The following PYM1 variants were observed in gnomAD, a reference collection of about 807,000 sequenced individuals.
The protein encoded by PYM1 is partner of Y14 and mago.
Under a neutral mutation model 20.7 loss-of-function variants are expected in PYM1, and 7 were observed. The observed-to-expected ratio is 0.34, with a 90% confidence interval of 0.19 to 0.64. The LOEUF is 0.64. Ranked by LOEUF, PYM1 falls within the 30% of genes least tolerant of loss-of-function variation. The probability of loss-of-function intolerance (pLI) is 0.74; values close to 1 mark genes in which losing one functional copy is unlikely to be tolerated. For synonymous variants in PYM1, 100 were observed against 99.2 expected, an observed-to-expected ratio of 1.01 and a Z score of -0.05; for missense variants, 194 against 250.0, an observed-to-expected ratio of 0.78 and a Z score of 1.51.
In PYM1 at chr12:55,923,000, C is replaced by T. The variant is rs1034962651; in HGVS notation, c.37+4725G>A. Among the ~76,000 whole-genome samples the T allele has an allele frequency of 1.3e-4, 20 of 151,806 alleles. 1 individual carries two copies. The East Asian group carries it at 3.5e-3, about 27-fold the overall frequency. ...CAGCACTTTGGGAGGCCGAGGTGGG[C>T]AGATCACCCGAGGTCAGGAGTTTGA... On this transcript the variant is annotated intron_variant, in intron 1 of 2. Coordinates refer to ENST00000408946, the MANE Select transcript of PYM1 (RefSeq NM_032345.3).
At chr12:55,904,615 A>AAAAAG (rs1565713968) in intron 1 of PYM1, among the ~76,000 whole-genome samples, 3 of 149,302 alleles carry the variant, frequency 2.0e-5, no homozygotes, top group Non-Finnish European at 1.5e-5. Flanking sequence ...AAAAAAAAAA[A>AAAAAG]AAAAGAAAAA....
chr12:55,915,101 G>A (rs988090929), intron 1 of PYM1, among the ~76,000 whole-genome samples: 1 of 151,814 alleles, frequency 6.6e-6, no homozygotes, highest in Admixed American at 6.6e-5. Context: ...TGCAGTCCCA[G>A]CTACTCAGGA....
At chr12:55,925,953 T>C (rs1592643591) in intron 1 of PYM1, among the ~76,000 whole-genome samples, 1 of 152,018 alleles carries the variant, frequency 6.6e-6, no homozygotes, top group East Asian at 1.9e-4. Context: ...AATTGTGAGG[T>C]TGGGGAGAAG....
rs571663755 is a variant in PYM1, at chr12:55,907,814, C to T, written c.38-4334G>A. 9.9e-5 allele frequency among the ~76,000 whole-genome samples: 15 copies of T among 151,248 alleles called. No individual in the cohort carries two copies. The South Asian group carries it at 3.1e-3, about 32-fold the overall frequency. ...ATTAGCTGGGTGTGGTGGCAAGTGC[C>T]TGTAGTCTCAGCTACTCAGGAGGCT... On this transcript the variant is annotated intron_variant, in intron 1 of 2. Coordinates refer to ENST00000408946, the MANE Select transcript of PYM1 (RefSeq NM_032345.3).
intron 2 of PYM1, among the ~76,000 whole-genome samples, chr12:55,902,806 G>A (rs916111199): frequency 2.0e-5 from 3 of 149,780 alleles, no homozygotes; most frequent in Non-Finnish European, 4.4e-5. Flanking sequence ...TCGCTCTGTC[G>A]CCAGGGCTGA....
At chr12:55,911,571 T>C (rs999180213) in intron 1 of PYM1, among the ~76,000 whole-genome samples, 1 of 152,088 alleles carries the variant, frequency 6.6e-6, no homozygotes, top group Non-Finnish European at 1.5e-5. Flanking sequence ...CCAGCCATGG[T>C]GGCTCACGCC....
intron 1 of PYM1, among the ~76,000 whole-genome samples, chr12:55,905,963 A>AGATATATATATAATTATATATATCTAT: frequency 3.7e-5 from 2 of 54,476 alleles, no homozygotes; most frequent in Non-Finnish European, 7.4e-5. Context: ...TATATATCTA[A>AGATATATATATAATTATATATATCTAT]TAGATATATA....
At chr12:55,904,612 A>AG (rs562590808) in intron 1 of PYM1, among the ~76,000 whole-genome samples, 20 of 143,870 alleles carry the variant, frequency 1.4e-4, no homozygotes, top group South Asian at 4.3e-4. Flanking sequence ...AAAAAAAAAA[A>AG]AAAAAAAGAA....
intron 1 of PYM1, among the ~76,000 whole-genome samples, chr12:55,921,057 G>C (rs1883089970): frequency 6.6e-6 from 1 of 152,188 alleles, no homozygotes; most frequent in Non-Finnish European, 1.5e-5. Flanking sequence ...CTGTAGAAAT[G>C]AAACAAGAGA....
intron 1 of PYM1, among the ~76,000 whole-genome samples, chr12:55,922,313 G>T (rs778406375): frequency 6.6e-6 from 1 of 151,826 alleles, no homozygotes; most frequent in Non-Finnish European, 1.5e-5. Context: ...AGATGATCAC[G>T]GTCAATACTA....
intron 1 of PYM1, among the ~76,000 whole-genome samples, chr12:55,909,547 A>G (rs957572835): frequency 6.6e-6 from 1 of 152,070 alleles, no homozygotes; most frequent in Non-Finnish European, 1.5e-5. Context: ...GCAGTGTTTC[A>G]GAGTATTTAA....
At chr12:55,926,316 C>T (rs753891795) in intron 1 of PYM1, among the ~76,000 whole-genome samples, 2 of 152,206 alleles carry the variant, frequency 1.3e-5, no homozygotes, top group Non-Finnish European at 2.9e-5. Context: ...ACCTTACATA[C>T]ACAGCAGACA....
chr12:55,926,978 G>A (rs551214115), intron 1 of PYM1: 2 of 1,303,122 alleles, frequency 1.5e-6, no homozygotes, highest in Middle Eastern at 2.6e-4. Context: ...CGGGGCAAAG[G>A]AGGGGCCCCG....
At chr12:55,904,738 G>A (rs970286563) in intron 1 of PYM1, among the ~76,000 whole-genome samples, 6 of 151,578 alleles carry the variant, frequency 4.0e-5, no homozygotes, top group East Asian at 3.9e-4. Context: ...TTAGCCGGGT[G>A]TGATGGCACA....
In PYM1 at chr12:55,901,506, A is replaced by C; in HGVS notation, c.*366T>G. 5.2e-6 allele frequency: 1 copy of C among 192,572 alleles called. No individual in the cohort carries two copies. Among genetic ancestry groups the C allele is most frequent in the Non-Finnish European group, 1.1e-5 (1 of 92,980 alleles). 11.9% of individuals were successfully genotyped at this position (192,572 alleles called of 1,614,324 possible). A position where few individuals can be genotyped will look rare whatever the true frequency, so the allele number is the denominator to read the frequency against. On this transcript the variant is annotated 3_prime_UTR_variant, in exon 3 of 3. Coordinates refer to ENST00000408946, the MANE Select transcript of PYM1 (RefSeq NM_032345.3). ...AGGGAAATAACCCATAAACACCGCGAACAGGAACCAAGACTCCAAGACTTG... is the reference window on the plus strand; with the variant it reads ...AGGGAAATAACCCATAAACACCGCGCACAGGAACCAAGACTCCAAGACTTG...
intron 1 of PYM1, among the ~76,000 whole-genome samples, chr12:55,924,153 T>C (rs1388196445): frequency 1.3e-5 from 2 of 151,562 alleles, no homozygotes; most frequent in South Asian, 2.1e-4. Context: ...ACAGAAATAG[T>C]GATGGAAAAA....
At chr12:55,924,013 T>G (rs914605253) in intron 1 of PYM1, among the ~76,000 whole-genome samples, 1 of 151,144 alleles carries the variant, frequency 6.6e-6, no homozygotes, top group South Asian at 2.1e-4. Flanking sequence ...GAGGCGGAGG[T>G]TGCAGTGAGC....
At chr12:55,904,978 C>A (rs888433211) in intron 1 of PYM1, among the ~76,000 whole-genome samples, 20 of 151,722 alleles carry the variant, frequency 1.3e-4, no homozygotes, top group African/African-American at 4.6e-4. Flanking sequence ...ATATGCATAT[C>A]ATTATACAAT....
chr12:55,927,820 G>C lies in PYM1; in HGVS notation c.-59C>G. On this transcript the variant is annotated 5_prime_UTR_variant, in exon 1 of 3. Transcript: ENST00000408946. ...GGCCCTGGCCTGGCTCTGCCCCGCTGGGCGGCGCCGGGGATTCGGCGGCGA... is the reference window on the plus strand; with the variant it reads ...GGCCCTGGCCTGGCTCTGCCCCGCTCGGCGGCGCCGGGGATTCGGCGGCGA... 1 of 1,518,112 alleles carries C rather than the reference G, an allele frequency of 6.6e-7. No individual in the cohort carries two copies. Among genetic ancestry groups the C allele is most frequent in the South Asian group, 1.2e-5 (1 of 82,630 alleles). 94.0% of individuals were successfully genotyped at this position (1,518,112 alleles called of 1,614,324 possible). A position where few individuals can be genotyped will look rare whatever the true frequency, so the allele number is the denominator to read the frequency against.
Sources: allele counts gnomAD v4.1 joint callset (sites outside exome capture counted in the v4.1 genomes callset), GRCh38; gene constraint gnomAD v4.1.1; transcripts MANE v1.5; gene names NCBI Gene and HGNC (gene_info 2026-07-23, HGNC 2026-07-21).